The following SNX24 variants were observed in gnomAD, a reference collection of about 807,000 sequenced individuals.
SNX24 encodes the protein sorting nexin-24.
SNX24 carries 22 observed loss-of-function variants against 28.7 expected under a neutral mutation model. That is an observed-to-expected ratio of 0.77 (90% CI 0.55 to 1.10). The LOEUF (loss-of-function observed/expected upper bound fraction) is 1.10. Ranked by LOEUF, SNX24 falls within the 50% of genes least tolerant of loss-of-function variation. The probability of loss-of-function intolerance (pLI) is 0.00; values close to 1 mark genes in which losing one functional copy is unlikely to be tolerated. For synonymous variants in SNX24, 69 were observed against 71.5 expected (o/e 0.96, Z 0.18); for missense variants, 221 against 201.1 (o/e 1.10, Z -0.60).
At chr5:122,861,210 C>G (rs1159542090) in intron 1 of SNX24, among the ~76,000 whole-genome samples, 1 of 151,956 alleles carries the variant, frequency 6.6e-6, no homozygotes, top group Admixed American at 6.6e-5. Context: ...CATGGTGGTG[C>G]GCCCCTGTAA....
At position 122,986,522 on chromosome 5, in the gene SNX24, T is replaced by C. The variant is rs114084878; in HGVS notation, c.250-13390T>C. On this transcript the variant is annotated intron_variant, in intron 3 of 6. Transcript: ENST00000261369. ...GGAGGGTGGTTTTCAGGGTGAGTGG[T>C]GACTGCTCAGAAGCTGAGTAAAGTG... is the stretch of plus-strand genomic sequence containing the variant. Among the ~76,000 whole-genome samples the C allele has an allele frequency of 2.5e-3, 374 of 152,116 alleles. 4 individuals are homozygous for C. Among genetic ancestry groups the C allele is most frequent in the African/African-American group, 8.4e-3 (350 of 41,466 alleles).
At chr5:122,987,082 G>A (rs1444153901) in intron 3 of SNX24, among the ~76,000 whole-genome samples, 1 of 152,096 alleles carries the variant, frequency 6.6e-6, no homozygotes, top group Non-Finnish European at 1.5e-5. Context: ...AGAGTTGTTG[G>A]GATAAAGATG....
intron 1 of SNX24, among the ~76,000 whole-genome samples, chr5:122,922,436 A>G (rs1052598952): frequency 6.6e-6 from 1 of 152,118 alleles, no homozygotes; most frequent in African/African-American, 2.4e-5. Flanking sequence ...TATTTTTAGT[A>G]TAGACGGGGT....
At chr5:122,944,606 G>C (rs1759601201) in intron 2 of SNX24, among the ~76,000 whole-genome samples, 2 of 152,134 alleles carry the variant, frequency 1.3e-5, no homozygotes, top group Non-Finnish European at 2.9e-5. Context: ...GTCTGGTGCT[G>C]GTGTGGCAGT....
chr5:122,852,110 C>CTA (rs1554066162), intron 1 of SNX24, among the ~76,000 whole-genome samples: 2 of 149,930 alleles, frequency 1.3e-5, no homozygotes, highest in African/African-American at 4.9e-5. Context: ...ACACACATAT[C>CTA]TATCTATATC....
intron 1 of SNX24, among the ~76,000 whole-genome samples, chr5:122,849,133 T>C (rs959571469): frequency 2.6e-5 from 4 of 152,238 alleles, no homozygotes; most frequent in African/African-American, 4.8e-5. Flanking sequence ...AGAAGTGGTA[T>C]TTCCAGCCCT....
chr5:122,887,148 T>C (rs534196878), intron 1 of SNX24, among the ~76,000 whole-genome samples: 1 of 152,340 alleles, frequency 6.6e-6, no homozygotes, highest in Non-Finnish European at 1.5e-5. Context: ...GATAAGTCAG[T>C]AAGTTAGACA....
chr5:122,962,914 A>G (rs954991932), intron 3 of SNX24, among the ~76,000 whole-genome samples: 1 of 152,172 alleles, frequency 6.6e-6, no homozygotes, highest in Admixed American at 6.5e-5. Flanking sequence ...AGAGCCCCCT[A>G]TTAATAAGGT....
intron 3 of SNX24, among the ~76,000 whole-genome samples, chr5:122,978,776 G>T (rs1761272792): frequency 6.6e-6 from 1 of 152,152 alleles, no homozygotes; most frequent in African/African-American, 2.4e-5. Context: ...GAGTTCACCT[G>T]AAACATGAAT....
chr5:122,913,531 CCT>C (rs1438794621), intron 1 of SNX24, among the ~76,000 whole-genome samples: 1 of 152,032 alleles, frequency 6.6e-6, no homozygotes, highest in African/African-American at 2.4e-5. Flanking sequence ...CGGAGGGGCT[CCT>C]CACTTCTCAG....
At chr5:122,891,183 T>C in intron 1 of SNX24, 1 of 1,358,284 alleles carries the variant, frequency 7.4e-7, no homozygotes, top group Non-Finnish European at 9.6e-7. Flanking sequence ...TTTTTTTTCC[T>C]AAGTAGTTTA....
chr5:122,980,438 T>G (rs907023840), intron 3 of SNX24, among the ~76,000 whole-genome samples: 6 of 152,176 alleles, frequency 3.9e-5, no homozygotes, highest in Non-Finnish European at 7.4e-5. Context: ...AAGTAAATGT[T>G]AGCTTTGTCT....
chr5:122,897,716 T>TA (rs1447499158), intron 1 of SNX24, among the ~76,000 whole-genome samples: 22 of 152,364 alleles, frequency 1.4e-4, no homozygotes, highest in African/African-American at 5.3e-4. Context: ...TTAGGTCCTC[T>TA]ATACATTTAT....
chr5:122,936,799 T>C lies in SNX24; in HGVS notation c.126T>C (p.Phe42=). The C allele has an allele frequency of 6.2e-7, 1 of 1,607,054 alleles. No homozygotes were observed. The highest frequency in any genetic ancestry group is 8.5e-7 in the Non-Finnish European group (1 of 1,174,720). The change falls in exon 2 of 7, where the codon TTT becomes TTC. Residue 42 remains phenylalanine (F), a synonymous_variant. Coordinates refer to ENST00000261369, the MANE Select transcript of SNX24 (RefSeq NM_014035.4). The part of the protein sequence containing the change: ...KHFVEKRYSE[F]HALHKKLKKC... ...TTGTTGAAAAGAGATACAGCGAATT[T>C]CATGCTTTGCACAAAAAGGTAACTT...
intron 1 of SNX24, among the ~76,000 whole-genome samples, chr5:122,869,973 T>A (rs1220404783): frequency 6.6e-6 from 1 of 152,172 alleles, no homozygotes; most frequent in African/African-American, 2.4e-5. Context: ...ATTAACTTTG[T>A]CAGCCATTCA....
chr5:122,941,859 C>T (rs956557113), intron 2 of SNX24, among the ~76,000 whole-genome samples: 2 of 152,164 alleles, frequency 1.3e-5, no homozygotes, highest in African/African-American at 2.4e-5. Context: ...TGTAGCTCCT[C>T]TGCTAGTACT....
At chr5:123,009,285 GCA>G (rs1762513238), downstream of SNX24, 2 of 920,636 alleles carry the variant, frequency 2.2e-6, no homozygotes, top group Non-Finnish European at 2.6e-6. Flanking sequence ...ACACATATGT[GCA>G]CACACAAAAC....
At chr5:122,866,852 A>G (rs1248782380) in intron 1 of SNX24, among the ~76,000 whole-genome samples, 1 of 152,166 alleles carries the variant, frequency 6.6e-6, no homozygotes, top group Non-Finnish European at 1.5e-5. Flanking sequence ...CTTAGCTTTC[A>G]TTTCATCAGA....
intron 1 of SNX24, among the ~76,000 whole-genome samples, chr5:122,855,276 G>T (rs1755131587): frequency 6.6e-6 from 1 of 151,962 alleles, no homozygotes; most frequent in African/African-American, 2.4e-5. Flanking sequence ...CACCATGTTG[G>T]CCAGGCTGGT....
Sources: allele counts gnomAD v4.1 joint callset (sites outside exome capture counted in the v4.1 genomes callset), GRCh38; gene constraint gnomAD v4.1.1; transcripts MANE v1.5; gene names NCBI Gene and HGNC (gene_info 2026-07-23, HGNC 2026-07-21).